Variants in TMEM37 observed in about 807,000 individuals in gnomAD.
The protein encoded by TMEM37 is transmembrane protein 37.
A neutral mutation model predicts 11.0 loss-of-function variants in TMEM37; 12 were observed. The observed-to-expected ratio is 1.09, with a 90% CI of 0.70 to 1.76. TMEM37 has a LOEUF of 1.76. TMEM37 is among the 40% of genes most tolerant of loss of function. The pLI is 0.00. For missense variants in TMEM37, 203 were observed against 251.2 expected (o/e 0.81, Z 1.30); for synonymous variants, 127 against 110.5 (o/e 1.15, Z -0.94).
intron 1 of TMEM37, 81 bp downstream of exon 1, chr2:119,432,005 C>T (rs1682409313): frequency 2.1e-6 from 2 of 941,194 alleles, no homozygotes; most frequent in Non-Finnish European, 2.8e-6. Context: ...GAGGGAGGGG[C>T]GTACCCACCG....
intron 1 of TMEM37, among the ~76,000 whole-genome samples, chr2:119,434,501 C>G (rs1054194619): frequency 2.6e-5 from 4 of 151,380 alleles, no homozygotes; most frequent in Admixed American, 2.6e-4. Context: ...ACTCCTGGAC[C>G]CCCAATGTCC....
chr2:119,436,843 G>A (rs749508640), intron 1 of TMEM37, 46 bp from the exon 2 acceptor site: 26 of 1,500,968 alleles, frequency 1.7e-5, no homozygotes, highest in Admixed American at 1.3e-4. Context: ...TCCTGGGGGC[G>A]TGGCAGGGCT....
At chr2:119,431,803 A>C (rs1573762134), upstream of TMEM37, 2 of 914,482 alleles carry the variant, frequency 2.2e-6, no homozygotes, top group Non-Finnish European at 1.4e-6. Context: ...GCCCGCCTCC[A>C]GCAGCCGCCC....
At chr2:119,435,007 T>C (rs576105806) in intron 1 of TMEM37, among the ~76,000 whole-genome samples, 13 of 152,212 alleles carry the variant, frequency 8.5e-5, no homozygotes, top group Non-Finnish European at 2.9e-5. Flanking sequence ...TACAATTGTC[T>C]GGGCAGCCAT....
upstream of TMEM37, chr2:119,431,778 G>A: frequency 2.7e-6 from 2 of 727,286 alleles, no homozygotes; most frequent in East Asian, 3.8e-5. Context: ...AGCTTTGAAC[G>A]CCCCCTCCCG....
At chr2:119,429,995 T>C, upstream of TMEM37, 3 of 1,549,302 alleles carry the variant, frequency 1.9e-6, no homozygotes, top group Non-Finnish European at 2.6e-6. Flanking sequence ...TGAGATGCTA[T>C]GATCCAGAAT....
At chr2:119,430,467 C>G (rs1682372755), upstream of TMEM37, 1 of 471,330 alleles carries the variant, frequency 2.1e-6, no homozygotes. Flanking sequence ...CCTTCCTGTG[C>G]CTGGGCCATT....
At chr2:119,429,945 T>A, upstream of TMEM37, 2 of 1,550,486 alleles carry the variant, frequency 1.3e-6, no homozygotes, top group Non-Finnish European at 1.7e-6. Context: ...ACCTGACTGT[T>A]CTTCTGATTT....
chr2:119,436,836 T>TG (rs1049762767), intron 1 of TMEM37, 53 bp from the exon 2 acceptor site: 2 of 1,457,268 alleles, frequency 1.4e-6, no homozygotes, highest in African/African-American at 2.8e-5. Flanking sequence ...CAGAGGTTCC[T>TG]GGGGGCGTGG....
chr2:119,430,335 T>C (rs1381623794), upstream of TMEM37: 1 of 518,374 alleles, frequency 1.9e-6, no homozygotes, highest in South Asian at 1.5e-5. Context: ...CAATCTGTTT[T>C]AACAAACCTT....
At chr2:119,436,551 T>A (rs149373490) in intron 1 of TMEM37, among the ~76,000 whole-genome samples, 46 of 152,200 alleles carry the variant, frequency 3.0e-4, no homozygotes, top group African/African-American at 1.0e-3. Context: ...ATGCTCAAGG[T>A]CATGGGATGC....
chr2:119,436,735 C>T (rs79257260), intron 1 of TMEM37, among the ~76,000 whole-genome samples, 154 bp from the exon 2 acceptor site: 16,720 of 152,096 alleles, frequency 0.11, 1,278 homozygotes, highest in South Asian at 0.23. Flanking sequence ...TCCCCCCAAA[C>T]GGTGGGTCTG....
At chr2:119,433,117 G>A (rs1282472471) in intron 1 of TMEM37, among the ~76,000 whole-genome samples, 2 of 152,244 alleles carry the variant, frequency 1.3e-5, no homozygotes, top group African/African-American at 4.8e-5. Context: ...TGGAAACAGG[G>A]CATGGGGGAG....
In TMEM37 at chr2:119,432,068, T is replaced by A. The variant is rs1159512163; in HGVS notation, c.21+144T>A. 6.0e-6 allele frequency: 3 copies of A among 501,154 alleles called. No individual in the cohort carries two copies. In the East Asian group the frequency reaches 1.1e-4, roughly 19 times the overall value. The allele number at this position is 501,154 out of a possible 1,614,324, so 31.0% of individuals were successfully genotyped here. ...GAGCGCCCCCCGTGCCCGCCCCCTGTTGCAAACCTGGGTCCGGAGGAGGCT... is the reference window on the plus strand; with the variant it reads ...GAGCGCCCCCCGTGCCCGCCCCCTGATGCAAACCTGGGTCCGGAGGAGGCT... On this transcript the variant is annotated intron_variant, in intron 1 of 1. Transcript: ENST00000306406.
chr2:119,432,042 C>G, intron 1 of TMEM37, 118 bp downstream of exon 1: 1 of 691,388 alleles, frequency 1.4e-6, no homozygotes, highest in Non-Finnish European at 2.0e-6. Context: ...GCTGGGGGTG[C>G]GAGCGCCCCC....
chr2:119,435,058 G>A (rs771857650), intron 1 of TMEM37, among the ~76,000 whole-genome samples: 2 of 152,218 alleles, frequency 1.3e-5, no homozygotes, highest in Non-Finnish European at 1.5e-5. Context: ...TCTCAGGCAA[G>A]TCACCTGCCC....
At chr2:119,433,572 G>A (rs1431645167) in intron 1 of TMEM37, among the ~76,000 whole-genome samples, 3 of 152,222 alleles carry the variant, frequency 2.0e-5, no homozygotes, top group Non-Finnish European at 4.4e-5. Context: ...TGGGTTATAG[G>A]AGGAAGACCA....
chr2:119,437,448 A>G lies in TMEM37; in HGVS notation c.*8A>G. 1.9e-6 allele frequency: 3 copies of G among 1,608,474 alleles called. No homozygotes were observed. In the South Asian group the frequency reaches 3.3e-5, roughly 18 times the overall value. ...ACCCATCCCTGGGAATGACCGTGGA[A>G]ATTTTAGGCCCCCTCCAGGGACATC... is the stretch of plus-strand genomic sequence containing the variant. On this transcript the variant is annotated 3_prime_UTR_variant, in exon 2 of 2. Coordinates refer to ENST00000306406, the MANE Select transcript of TMEM37 (RefSeq NM_183240.3).
intron 1 of TMEM37, among the ~76,000 whole-genome samples, chr2:119,434,306 G>A (rs886817002): frequency 6.6e-6 from 1 of 152,064 alleles, no homozygotes; most frequent in African/African-American, 2.4e-5. Context: ...TCATGGCTAC[G>A]ACTTTCCTGC....
Sources: gnomAD v4.1 joint callset for allele counts (sites outside exome capture counted in the v4.1 genomes callset) on GRCh38, gnomAD v4.1.1 for gene constraint, MANE v1.5 for transcripts, NCBI Gene and HGNC (gene_info 2026-07-23, HGNC 2026-07-21) for gene names.